Variants in GPBP1L1 observed in about 807,000 individuals in gnomAD.
The protein encoded by GPBP1L1 is vasculin-like protein 1.
GPBP1L1 carries 23 observed loss-of-function variants against 52.5 expected under a neutral mutation model. The observed-to-expected ratio is 0.44, with a 90% CI of 0.32 to 0.62. GPBP1L1 has a LOEUF of 0.62. Ranked by LOEUF, GPBP1L1 falls within the 20% of genes least tolerant of loss-of-function variation. GPBP1L1 has a pLI of 0.06. For missense variants in GPBP1L1, 596 were observed against 579.3 expected (o/e 1.03, Z -0.30); for synonymous variants, 243 against 203.1 (o/e 1.20, Z -1.67).
At chr1:45,670,391 G>A (rs1257935290) in intron 2 of GPBP1L1, among the ~76,000 whole-genome samples, 1 of 152,064 alleles carries the variant, frequency 6.6e-6, no homozygotes, top group Non-Finnish European at 1.5e-5. Context: ...CACTTCATGG[G>A]TTATCTTTTG....
At chr1:45,673,755 G>A (rs370610609) in intron 2 of GPBP1L1, among the ~76,000 whole-genome samples, 1 of 152,136 alleles carries the variant, frequency 6.6e-6, no homozygotes, top group African/African-American at 2.4e-5. Flanking sequence ...CCAGCTAGTC[G>A]GGAGGTTGAG....
At chr1:45,637,968 G>A (rs1644617757) in intron 8 of GPBP1L1, among the ~76,000 whole-genome samples, 1 of 152,222 alleles carries the variant, frequency 6.6e-6, no homozygotes, top group African/African-American at 2.4e-5. Context: ...GACGTAAGAT[G>A]AAGAAGGTGT....
chr1:45,685,088 G>C (rs183109819), intron 2 of GPBP1L1, among the ~76,000 whole-genome samples: 2 of 149,694 alleles, frequency 1.3e-5, no homozygotes, highest in East Asian at 2.0e-4. Context: ...GCAAACAAAA[G>C]ACAGTCTCTT....
chr1:45,664,942 T>C (rs1374029001), intron 2 of GPBP1L1, among the ~76,000 whole-genome samples: 3 of 151,938 alleles, frequency 2.0e-5, no homozygotes, highest in Non-Finnish European at 4.4e-5. Flanking sequence ...CCTCCCAAAG[T>C]GCTGGGATTA....
At chr1:45,647,783 T>C (rs1569806091) in intron 6 of GPBP1L1, among the ~76,000 whole-genome samples, 1 of 152,232 alleles carries the variant, frequency 6.6e-6, no homozygotes, top group Non-Finnish European at 1.5e-5. Flanking sequence ...GCAATTACTC[T>C]GCCATTCAGT....
At chr1:45,684,195 T>C (rs768620256) in intron 2 of GPBP1L1, among the ~76,000 whole-genome samples, 15 of 130,478 alleles carry the variant, frequency 1.1e-4, no homozygotes, top group East Asian at 2.2e-4. Flanking sequence ...GAGGCGGAGG[T>C]TGCAGTGAAC....
rs1645270912 is a variant in GPBP1L1, at chr1:45,685,614, A to G, written c.-1136T>C. On this transcript the variant is annotated 5_prime_UTR_variant, in exon 2 of 13. Coordinates refer to ENST00000355105, the MANE Select transcript of GPBP1L1 (RefSeq NM_021639.5). ...CAGCATAAGGAGAGTTAAAGGTGAG[A>G]CACCAACTGCAAAAAACCAAAATAT... 6.6e-6 allele frequency: 1 copy of G among 152,244 alleles called. No individual in the cohort carries two copies. Among genetic ancestry groups the G allele is most frequent in the Non-Finnish European group, 1.5e-5 (1 of 68,052 alleles). The allele number at this position is 152,244 out of a possible 1,614,324, so 9.4% of individuals were successfully genotyped here. A position where few individuals can be genotyped will look rare whatever the true frequency, so the allele number is the denominator to read the frequency against.
At chr1:45,674,274 T>C (rs1002008875) in intron 2 of GPBP1L1, among the ~76,000 whole-genome samples, 5 of 152,238 alleles carry the variant, frequency 3.3e-5, no homozygotes, top group Admixed American at 1.3e-4. Context: ...TTGCCTATTT[T>C]ATTTGGATAA....
chr1:45,668,600 T>C (rs1275706482), intron 2 of GPBP1L1, among the ~76,000 whole-genome samples: 1 of 151,640 alleles, frequency 6.6e-6, no homozygotes, highest in East Asian at 1.9e-4. Flanking sequence ...GAGGTTGCAG[T>C]GAGCCGAGAT....
At chr1:45,686,251 G>A (rs1645282586) in intron 1 of GPBP1L1, among the ~76,000 whole-genome samples, 161 bp downstream of exon 1, 1 of 152,200 alleles carries the variant, frequency 6.6e-6, no homozygotes, top group South Asian at 2.1e-4. Flanking sequence ...CTTGACCCGT[G>A]GGCTCCGCTC....
intron 8 of GPBP1L1, among the ~76,000 whole-genome samples, chr1:45,638,332 A>G (rs369311903): frequency 4.6e-5 from 7 of 152,246 alleles, no homozygotes; most frequent in African/African-American, 1.7e-4. Flanking sequence ...CTACCTCCAC[A>G]TATTTCCAAA....
intron 2 of GPBP1L1, among the ~76,000 whole-genome samples, chr1:45,665,646 C>G (rs1156805320): frequency 6.7e-6 from 1 of 149,296 alleles, no homozygotes; most frequent in Non-Finnish European, 1.5e-5. Context: ...AAGGCTGAGG[C>G]AGGAGAATCG....
chr1:45,634,772 T>C (rs1261928665), intron 8 of GPBP1L1: 1 of 152,716 alleles, frequency 6.5e-6, no homozygotes, highest in East Asian at 1.9e-4. Flanking sequence ...AATCCTGATT[T>C]ATTTAGTCTG....
In GPBP1L1 at chr1:45,629,813, T is replaced by C. The variant is rs1159450863; in HGVS notation, c.1170-135A>G. The stretch of plus-strand genomic sequence containing the variant: ...AGAAGGAATTTTGTTTTCCTCCCTG[T>C]GGGACAAGCTTTAATTGTGGCTACC... On this transcript the variant is annotated intron_variant, in intron 11 of 12. Coordinates refer to ENST00000355105, the MANE Select transcript of GPBP1L1 (RefSeq NM_021639.5). 11 of 630,826 alleles carry C rather than the reference T, an allele frequency of 1.7e-5. No homozygotes were observed. The East Asian group carries it at 3.0e-4, about 17-fold the overall frequency. 39.1% of individuals were successfully genotyped at this position (630,826 alleles called of 1,614,324 possible).
At chr1:45,680,966 A>G (rs993734111) in intron 2 of GPBP1L1, among the ~76,000 whole-genome samples, 2 of 152,224 alleles carry the variant, frequency 1.3e-5, no homozygotes, top group Non-Finnish European at 2.9e-5. Flanking sequence ...ACTATTCATT[A>G]GTAACCAAAA....
intron 9 of GPBP1L1, 33 bp from the exon 10 acceptor site, chr1:45,633,680 C>T (rs1353881794): frequency 3.7e-6 from 6 of 1,606,108 alleles, no homozygotes; most frequent in Non-Finnish European, 5.1e-6. Context: ...TTGCTCCTGA[C>T]AGCAAAGAGC....
intron 4 of GPBP1L1, among the ~76,000 whole-genome samples, chr1:45,656,876 G>C (rs1288496169): frequency 6.6e-6 from 1 of 151,744 alleles, no homozygotes; most frequent in Non-Finnish European, 1.5e-5. Flanking sequence ...GTAGAGACAA[G>C]GTCTCACTTT....
chr1:45,640,526 T>G, intron 7 of GPBP1L1, 123 bp from the exon 8 acceptor site: 1 of 755,734 alleles, frequency 1.3e-6, no homozygotes. Context: ...GATTAAACAT[T>G]CCCTGGTATG....
At chr1:45,639,885 C>A (rs1473525408) in intron 8 of GPBP1L1, among the ~76,000 whole-genome samples, 17 of 150,728 alleles carry the variant, frequency 1.1e-4, no homozygotes, top group Admixed American at 9.9e-4. Context: ...CTCAAAAAAA[C>A]AAAACAAAAC....
Sources: allele counts gnomAD v4.1 joint callset (sites outside exome capture counted in the v4.1 genomes callset), GRCh38; gene constraint gnomAD v4.1.1; transcripts MANE v1.5; gene names NCBI Gene and HGNC (gene_info 2026-07-23, HGNC 2026-07-21).